Variants in DCUN1D5 observed in about 807,000 individuals in gnomAD.
DCUN1D5 encodes the protein DCN1-like protein 5.
A neutral mutation model predicts 38.3 loss-of-function variants in DCUN1D5; 10 were observed. That is an observed-to-expected ratio of 0.26 (90% confidence interval 0.16 to 0.44). The LOEUF (loss-of-function observed/expected upper bound fraction) is 0.44, where lower values mean the gene tolerates loss of function less well. Among genes scored for constraint, DCUN1D5 ranks in the 20% least tolerant of loss-of-function variants. The pLI, the probability that DCUN1D5 is intolerant of heterozygous loss-of-function variation, is 1.00. For synonymous variants in DCUN1D5, 93 were observed against 90.9 expected (o/e 1.02, Z -0.13); for missense variants, 148 against 275.3 (o/e 0.54, Z 3.27).
chr11:103,075,909 C>A (rs1305766482), intron 4 of DCUN1D5, among the ~76,000 whole-genome samples: 2 of 152,184 alleles, frequency 1.3e-5, no homozygotes, highest in East Asian at 3.9e-4. Flanking sequence ...TCTGTTAGTG[C>A]AAAAATTATT....
rs1861860921 is a variant in DCUN1D5, at chr11:103,055,869, G to C, written c.*6490C>G. 1 of 152,152 alleles carries C rather than the reference G, an allele frequency of 6.6e-6. No homozygotes were observed. The highest frequency in any genetic ancestry group is 1.5e-5 in the Non-Finnish European group (1 of 68,036). The allele number at this position is 152,152 out of a possible 1,614,324, so 9.4% of individuals were successfully genotyped here. ...ACTCTACATTTTCCTTTGGACGTCT[G>C]ACAGACAAGTCTACCATAACATATC... On this transcript the variant is annotated 3_prime_UTR_variant, in exon 8 of 8. Coordinates refer to ENST00000260247, the MANE Select transcript of DCUN1D5 (RefSeq NM_032299.4).
Position 103,058,965 on chromosome 11 carries a change from CTT to C in DCUN1D5, c.*3392_*3393del, listed in dbSNP as rs56096955. ...TAACAAAGAAAGGCATTTAGTTTTC[CTT>C]TTTTTTTTTTATTAAAATGCCCTCA... is the stretch of plus-strand genomic sequence containing the variant. On this transcript the variant is annotated 3_prime_UTR_variant, in exon 8 of 8. Coordinates refer to ENST00000260247, the MANE Select transcript of DCUN1D5 (RefSeq NM_032299.4). Among the ~76,000 whole-genome samples the C allele has an allele frequency of 1.3e-4, 18 of 143,330 alleles. No homozygotes were observed. The highest frequency in any genetic ancestry group is 2.8e-4 in the African/African-American group (11 of 39,092). 94.0% of individuals were successfully genotyped at this position (143,330 alleles called of 152,430 possible). A position where few individuals can be genotyped will look rare whatever the true frequency, so the allele number is the denominator to read the frequency against.
At position 103,062,235 on chromosome 11, in the gene DCUN1D5, A is replaced by C; in HGVS notation, c.*124T>G. On this transcript the variant is annotated 3_prime_UTR_variant, in exon 8 of 8. Coordinates refer to ENST00000260247, the MANE Select transcript of DCUN1D5 (RefSeq NM_032299.4). The surrounding 1 kb of genome is among the most constrained non-coding windows in gnomAD (Gnocchi z 4.6). Reference sequence around the variant, plus strand: ...AAACCTCCTTTAAAAAAAGGAAAAAAAAGTACTATGAGAAGTCTTTCATAT... The same window carrying C: ...AAACCTCCTTTAAAAAAAGGAAAAACAAGTACTATGAGAAGTCTTTCATAT... 1.1e-6 allele frequency: 1 copy of C among 926,114 alleles called. No homozygotes were observed. Among genetic ancestry groups the C allele is most frequent in the Non-Finnish European group, 1.7e-6 (1 of 594,298 alleles). The allele number at this position is 926,114 out of a possible 1,614,324, so 57.4% of individuals were successfully genotyped here.
At chr11:103,067,436 T>C (rs1862161597) in intron 4 of DCUN1D5, among the ~76,000 whole-genome samples, 1 of 152,162 alleles carries the variant, frequency 6.6e-6, no homozygotes, top group Non-Finnish European at 1.5e-5. Context: ...ACTTGAAATC[T>C]CAAACATGCT....
At position 103,054,886 on chromosome 11, in the gene DCUN1D5, T is replaced by C. The variant is rs778353631; in HGVS notation, c.*7473A>G. 2.0e-5 allele frequency: 3 copies of C among 152,072 alleles called. No individual in the cohort carries two copies. Among genetic ancestry groups the C allele is most frequent in the South Asian group, 2.1e-4 (1 of 4,834 alleles). The allele number at this position is 152,072 out of a possible 1,614,324, so 9.4% of individuals were successfully genotyped here. On this transcript the variant is annotated 3_prime_UTR_variant, in exon 8 of 8. Transcript: ENST00000260247. ...TTCCTAGCACTAGAAAAAAACATAG[T>C]AGATGGCAAACCTGTCACATAAGAA... is the stretch of plus-strand genomic sequence containing the variant.
chr11:103,089,422 T>A (rs1862797378), intron 1 of DCUN1D5, 104 bp from the exon 2 acceptor site: 1 of 1,035,338 alleles, frequency 9.7e-7, no homozygotes, highest in Non-Finnish European at 1.3e-6. Context: ...CAAAGGTTTT[T>A]TTTTTCTTCG....
chr11:103,062,966 G>A lies in DCUN1D5; in HGVS notation c.659-552C>T, dbSNP rs1862049727. 6.6e-6 allele frequency among the ~76,000 whole-genome samples: 1 copy of A among 152,124 alleles called. No individual in the cohort carries two copies. ...CAAACTCATTTGCTGACAGAGCCAA[G>A]TAGGCAGTTTAAATGAGCTCAGTGT... On this transcript the variant is annotated intron_variant, in intron 7 of 7. Coordinates refer to ENST00000260247, the MANE Select transcript of DCUN1D5 (RefSeq NM_032299.4). The surrounding 1 kb of genome is among the most constrained non-coding windows in gnomAD (Gnocchi z 4.6).
chr11:103,089,638 T>G (rs1862803362), intron 1 of DCUN1D5, among the ~76,000 whole-genome samples: 1 of 152,180 alleles, frequency 6.6e-6, no homozygotes, highest in African/African-American at 2.4e-5. Flanking sequence ...ATATTTATTA[T>G]GATTCTATTG....
At position 103,071,675 on chromosome 11, in the gene DCUN1D5, G is replaced by A. The variant is rs982483449; in HGVS notation, c.342-5108C>T. ...AATTTTTCTACATCAAAACTTGGATGAAATGGACCAATAAGTTCCTTGAAA... is the reference window on the plus strand; with the variant it reads ...AATTTTTCTACATCAAAACTTGGATAAAATGGACCAATAAGTTCCTTGAAA... On this transcript the variant is annotated intron_variant, in intron 4 of 7. Coordinates refer to ENST00000260247, the MANE Select transcript of DCUN1D5 (RefSeq NM_032299.4). This position sits in a 1 kb window ranked among gnomAD's most constrained non-coding sequence, Gnocchi z 4.1. 2.7e-5 allele frequency among the ~76,000 whole-genome samples: 4 copies of A among 150,904 alleles called. No individual in the cohort carries two copies. Among genetic ancestry groups the A allele is most frequent in the Admixed American group, 6.6e-5 (1 of 15,184 alleles).
rs573319601 is a variant in DCUN1D5 at position 103,050,748 on chromosome 11, T to G, written c.*11611A>C. 2.6e-5 allele frequency: 4 copies of G among 152,344 alleles called. No individual in the cohort carries two copies. Among genetic ancestry groups the G allele is most frequent in the African/African-American group, 9.6e-5 (4 of 41,586 alleles). The allele number at this position is 152,344 out of a possible 1,614,324, so 9.4% of individuals were successfully genotyped here. On this transcript the variant is annotated 3_prime_UTR_variant, in exon 8 of 8. Transcript: ENST00000260247. ...TTCATTTATTCCATTTATTGAGTGC[T>G]TTTCTATACTGTGGATAGTTCTGAG... is the stretch of plus-strand genomic sequence containing the variant.
chr11:103,056,679 G>A lies in DCUN1D5; in HGVS notation c.*5680C>T, dbSNP rs893124085. ...TATATTCAGGCCTAGAATACTTCTT[G>A]GCATATAGTAGATGCTTGAGATTTG... On this transcript the variant is annotated 3_prime_UTR_variant, in exon 8 of 8. Transcript: ENST00000260247. This position sits in a 1 kb window ranked among gnomAD's most constrained non-coding sequence, Gnocchi z 4.9. Among the ~76,000 whole-genome samples the A allele has an allele frequency of 6.6e-6, 1 of 152,062 alleles. No homozygotes were observed. Among genetic ancestry groups the A allele is most frequent in the Non-Finnish European group, 1.5e-5 (1 of 68,008 alleles).
Position 103,066,394 on chromosome 11 carries a change from T to C in DCUN1D5, c.451-21A>G. ...TTATCCTAAAATATAAGTGAAAAAG[T>C]TTTCCTAAGTGTGGTCTCAAGATGA... is the stretch of plus-strand genomic sequence containing the variant. On this transcript the variant is annotated intron_variant, in intron 5 of 7. Transcript: ENST00000260247. This position sits in a 1 kb window ranked among gnomAD's most constrained non-coding sequence, Gnocchi z 4.7. 6.3e-7 allele frequency: 1 copy of C among 1,599,432 alleles called. No homozygotes were observed. Among genetic ancestry groups the C allele is most frequent in the East Asian group, 2.2e-5 (1 of 44,588 alleles).
rs1862707448 is a variant in DCUN1D5, at chr11:103,086,338, C to A, written c.178+2889G>T. On this transcript the variant is annotated intron_variant, in intron 2 of 7. Coordinates refer to ENST00000260247, the MANE Select transcript of DCUN1D5 (RefSeq NM_032299.4). This position sits in a 1 kb window ranked among gnomAD's most constrained non-coding sequence, Gnocchi z 4.1. ...ATAACATTTGAGTTCTGACTATATA[C>A]CAGGTATTGTGCTAAGGGCTTTACA... Among the ~76,000 whole-genome samples the A allele has an allele frequency of 6.6e-6, 1 of 152,158 alleles. No homozygotes were observed. Among genetic ancestry groups the A allele is most frequent in the South Asian group, 2.1e-4 (1 of 4,828 alleles).
chr11:103,080,032 G>A (rs975774730), intron 4 of DCUN1D5: 1 of 152,148 alleles, frequency 6.6e-6, no homozygotes, highest in East Asian at 1.9e-4. Flanking sequence ...TGTTAACAAA[G>A]TAGTCTGCAA....
rs1482578383 is a variant in DCUN1D5, at chr11:103,078,306, C to G, written c.341+4442G>C. Among the ~76,000 whole-genome samples, 1 of 152,202 alleles carries G rather than the reference C, an allele frequency of 6.6e-6. No homozygotes were observed. The stretch of plus-strand genomic sequence containing the variant: ...TCAGCTAGCAGATATGAGAAAAGAC[C>G]TCCACTCTAGTACACTATGCCAGAA... On this transcript the variant is annotated intron_variant, in intron 4 of 7. Transcript: ENST00000260247. This position sits in a 1 kb window ranked among gnomAD's most constrained non-coding sequence, Gnocchi z 4.6.
intron 4 of DCUN1D5, among the ~76,000 whole-genome samples, chr11:103,080,964 G>A (rs995077976): frequency 1.3e-5 from 2 of 151,476 alleles, no homozygotes; most frequent in East Asian, 1.9e-4. Context: ...AGCCAAGATC[G>A]CGCCACTGTA....
At position 103,053,927 on chromosome 11, in the gene DCUN1D5, CT is replaced by C. The variant is rs1861808506; in HGVS notation, c.*8431del. On this transcript the variant is annotated 3_prime_UTR_variant, in exon 8 of 8. Coordinates refer to ENST00000260247, the MANE Select transcript of DCUN1D5 (RefSeq NM_032299.4). The surrounding 1 kb of genome is among the most constrained non-coding windows in gnomAD (Gnocchi z 4.8). ...ATTTCATTTCATCCTCAAAATAATG[CT>C]ATTAGATAAGGACTATTATTATCCT... is the stretch of plus-strand genomic sequence containing the variant. The C allele has an allele frequency of 6.6e-6, 1 of 151,962 alleles. No homozygotes were observed. The highest frequency in any genetic ancestry group is 1.9e-4 in the East Asian group (1 of 5,196). The allele number at this position is 151,962 out of a possible 1,614,324, so 9.4% of individuals were successfully genotyped here.
chr11:103,083,925 C>CA lies in DCUN1D5; in HGVS notation c.179-600dup, dbSNP rs1862632069. Among the ~76,000 whole-genome samples, 2 of 152,062 alleles carry CA rather than the reference C, an allele frequency of 1.3e-5. No individual in the cohort carries two copies. The highest frequency in any genetic ancestry group is 6.6e-5 in the Admixed American group (1 of 15,262). On this transcript the variant is annotated intron_variant, in intron 2 of 7. Coordinates refer to ENST00000260247, the MANE Select transcript of DCUN1D5 (RefSeq NM_032299.4). The surrounding 1 kb of genome is among the most constrained non-coding windows in gnomAD (Gnocchi z 4.4). ...TTTCCTTATCATCTTGGTTCTAAAA[C>CA]AGACAGCAAGCATTGATGTCACCTT...
Position 103,066,369 on chromosome 11 carries a change from T to G in DCUN1D5, c.455A>C (p.Lys152Thr). 6.2e-7 allele frequency: 1 copy of G among 1,607,906 alleles called. No homozygotes were observed. Among genetic ancestry groups the G allele is most frequent in the Non-Finnish European group, 8.5e-7 (1 of 1,177,806 alleles). ...ATCAATATCAAGGCTTCTCTGATCT[T>G]TATCCTAAAATATAAGTGAAAAAGT... ...YRYAFDFARD[K>T]DQRSLDIDTA... Residue 152 changes from lysine to threonine, a missense_variant, in exon 6 of 8, where the codon AAA becomes ACA. Lys to Thr is a moderately conservative substitution (Grantham distance 78). Transcript: ENST00000260247. This position sits in a 1 kb window ranked among gnomAD's most constrained non-coding sequence, Gnocchi z 4.7.
Sources: allele counts gnomAD v4.1 joint callset (sites outside exome capture counted in the v4.1 genomes callset), GRCh38; gene constraint gnomAD v4.1.1; non-coding constraint Gnocchi (gnomAD v3.1); transcripts MANE v1.5; gene names NCBI Gene and HGNC (gene_info 2026-07-23, HGNC 2026-07-21).